DBT: variants seen among roughly 807,000 people sequenced by gnomAD.
DBT encodes dihydrolipoamide branched chain transacylase E2, also known as lipoamide acyltransferase component of branched-chain alpha-keto acid dehydrogenase complex, mitochondrial.
Under a neutral mutation model 51.3 loss-of-function variants are expected in DBT, and 40 were observed. The ratio of observed to expected loss-of-function variants is 0.78; its 90% CI spans 0.61 to 1.02. The LOEUF is 1.02. Among genes scored for constraint, DBT ranks in the 50% least tolerant of loss-of-function variants. DBT has a pLI of 0.00. For synonymous variants in DBT, 181 were observed against 190.4 expected (o/e 0.95, Z 0.41); for missense variants, 510 against 580.2 (o/e 0.88, Z 1.24).
intron 10 of DBT, among the ~76,000 whole-genome samples, chr1:100,202,507 T>C (rs966918804): frequency 2.6e-5 from 4 of 151,880 alleles, no homozygotes; most frequent in Admixed American, 2.0e-4. Context: ...ACATTAGACA[T>C]TAGACAGAAC....
At chr1:100,235,183 G>C (rs1663792656) in intron 3 of DBT, among the ~76,000 whole-genome samples, 1 of 152,088 alleles carries the variant, frequency 6.6e-6, no homozygotes, top group South Asian at 2.1e-4. Context: ...ACAGTGAAGA[G>C]AGCTTAGACT....
intron 10 of DBT, among the ~76,000 whole-genome samples, chr1:100,205,793 T>C (rs999571058): frequency 6.6e-6 from 1 of 152,202 alleles, no homozygotes; most frequent in Admixed American, 6.6e-5. Flanking sequence ...AGTGAGTTCA[T>C]GTCCTTTGCA....
intron 10 of DBT, among the ~76,000 whole-genome samples, chr1:100,199,614 A>G (rs1412847735): frequency 6.6e-6 from 1 of 152,190 alleles, no homozygotes; most frequent in Non-Finnish European, 1.5e-5. Context: ...GCAAGATGGC[A>G]GAACAGGAAC....
At chr1:100,241,849 T>C (rs1664238950) in intron 1 of DBT, among the ~76,000 whole-genome samples, 1 of 152,130 alleles carries the variant, frequency 6.6e-6, no homozygotes, top group Admixed American at 6.5e-5. Flanking sequence ...TGAAACCCTG[T>C]CTCTACTAAC....
At chr1:100,200,056 TGA>T (rs987473121) in intron 10 of DBT, among the ~76,000 whole-genome samples, 1 of 151,780 alleles carries the variant, frequency 6.6e-6, no homozygotes, top group African/African-American at 2.4e-5. Context: ...GACAGAACTG[TGA>T]GAGACACTCC....
chr1:100,197,729 G>A (rs931223436), intron 10 of DBT, among the ~76,000 whole-genome samples: 14 of 152,146 alleles, frequency 9.2e-5, no homozygotes, highest in African/African-American at 3.4e-4. Flanking sequence ...TATTAAGAAA[G>A]TTTTCCAAAG....
intron 1 of DBT, 144 bp from the exon 2 acceptor site, chr1:100,241,028 A>C: frequency 1.1e-6 from 1 of 901,012 alleles, no homozygotes; most frequent in South Asian, 1.6e-5. Flanking sequence ...TAGATTTGTT[A>C]CATTTATGAT....
At chr1:100,215,006 T>C in intron 6 of DBT, 23 bp from the exon 7 acceptor site, 1 of 1,558,164 alleles carries the variant, frequency 6.4e-7, no homozygotes, top group Non-Finnish European at 8.8e-7. Flanking sequence ...AAATTGTTAT[T>C]CATTTATTTA....
chr1:100,237,794 C>T (rs1663971169), intron 2 of DBT, among the ~76,000 whole-genome samples: 1 of 151,944 alleles, frequency 6.6e-6, no homozygotes, highest in Admixed American at 6.6e-5. Context: ...TACCACCACA[C>T]CCAAGTAATT....
chr1:100,225,022 C>CTA (rs1169043481), intron 4 of DBT, among the ~76,000 whole-genome samples: 1 of 64,838 alleles, frequency 1.5e-5, no homozygotes, highest in East Asian at 3.8e-4. Context: ...CGTCTCCCCC[C>CTA]AAAAAAAAAA....
At chr1:100,249,088 A>C in intron 1 of DBT, 1 of 988,196 alleles carries the variant, frequency 1.0e-6, no homozygotes. Context: ...AGGAGCATCT[A>C]GGGAAAGGGA....
rs1250082167 is a variant in DBT, at chr1:100,196,263, G to T, written c.1441C>A (p.Leu481Met). The T allele has an allele frequency of 1.2e-6, 2 of 1,613,530 alleles. No homozygotes were observed. The highest frequency in any genetic ancestry group is 2.7e-5 in the African/African-American group (2 of 74,804). Reference sequence around the variant, plus strand: ...GAATGTCTTATCAGTCTTCATTTCAGATCTAGTAGCATAAAAGCTGGGTTT... The same window carrying T: ...GAATGTCTTATCAGTCTTCATTTCATATCTAGTAGCATAAAAGCTGGGTTT... ...LENPAFMLLD[L>M]K The change falls in exon 11 of 11, where the codon CTG becomes ATG. Residue 481 changes from leucine to methionine, a missense_variant. Transcript: ENST00000370132.
intron 10 of DBT, among the ~76,000 whole-genome samples, chr1:100,202,008 A>G (rs995811069): frequency 3.3e-5 from 5 of 152,190 alleles, no homozygotes; most frequent in African/African-American, 1.2e-4. Context: ...TAACAGGCAA[A>G]ATAACCAGCT....
At chr1:100,198,053 A>G (rs1661208755) in intron 10 of DBT, among the ~76,000 whole-genome samples, 1 of 152,246 alleles carries the variant, frequency 6.6e-6, no homozygotes, top group Non-Finnish European at 1.5e-5. Context: ...TTTATAAATC[A>G]AATATTCATT....
At chr1:100,236,245 A>T (rs1423262812) in intron 2 of DBT, among the ~76,000 whole-genome samples, 1 of 152,012 alleles carries the variant, frequency 6.6e-6, no homozygotes, top group South Asian at 2.1e-4. Context: ...ACCACCCACC[A>T]CACCCAGCTT....
rs555899477 is a variant in DBT at position 100,233,064 on chromosome 1, A to G, written c.252-2150T>C. On this transcript the variant is annotated intron_variant, in intron 3 of 10. Coordinates refer to ENST00000370132, the MANE Select transcript of DBT (RefSeq NM_001918.5). Reference sequence around the variant, plus strand: ...CTATATGCTAAGAAATATAATTTAAATTCAACAACACAAATGGTAAAAAGT... The same window carrying G: ...CTATATGCTAAGAAATATAATTTAAGTTCAACAACACAAATGGTAAAAAGT... Among the ~76,000 whole-genome samples the G allele has an allele frequency of 1.7e-4, 26 of 152,314 alleles. No individual in the cohort carries two copies. In the South Asian group the frequency reaches 1.9e-3, roughly 11 times the overall value.
intron 10 of DBT, among the ~76,000 whole-genome samples, chr1:100,201,093 A>T (rs532091235): frequency 1.3e-5 from 2 of 152,096 alleles, no homozygotes; most frequent in Non-Finnish European, 2.9e-5. Context: ...TTCAGGTAAT[A>T]ACAAACTCCT....
intron 4 of DBT, among the ~76,000 whole-genome samples, chr1:100,219,653 C>G (rs12566522): frequency 0.87 from 131,965 of 151,602 alleles, 57,796 homozygotes; most frequent in East Asian, 0.97. Context: ...GAAGCTGAGG[C>G]GGGGAGAATC....
intron 8 of DBT, among the ~76,000 whole-genome samples, chr1:100,210,090 T>C (rs1176599207): frequency 6.6e-6 from 1 of 151,798 alleles, no homozygotes; most frequent in Non-Finnish European, 1.5e-5. Flanking sequence ...GGCAGGAGGA[T>C]TGCTTAGACC....
Sources: allele counts gnomAD v4.1 joint callset (sites outside exome capture counted in the v4.1 genomes callset), GRCh38; gene constraint gnomAD v4.1.1; transcripts MANE v1.5; gene names NCBI Gene and HGNC (gene_info 2026-07-23, HGNC 2026-07-21).